Variants in C1orf87 observed in about 807,000 individuals in gnomAD.
C1orf87 encodes uncharacterized protein C1orf87.
A neutral mutation model predicts 60.5 loss-of-function variants in C1orf87; 58 were observed. The ratio of observed to expected loss-of-function variants is 0.96; its 90% CI spans 0.78 to 1.19. The LOEUF is 1.19. Ranked by LOEUF, C1orf87 falls within the 50% of genes most tolerant of loss-of-function variation. C1orf87 has a pLI of 0.00. For missense variants in C1orf87, 673 were observed against 638.6 expected, an observed-to-expected ratio of 1.05 and a Z score of -0.58; for synonymous variants, 236 against 227.4, an observed-to-expected ratio of 1.04 and a Z score of -0.34.
chr1:60,030,641 T>A (rs634094), intron 7 of C1orf87, among the ~76,000 whole-genome samples: 4 of 152,070 alleles, frequency 2.6e-5, no homozygotes, highest in Admixed American at 2.0e-4. Flanking sequence ...TTGAAGAATA[T>A]GGATTGTGTA....
At chr1:60,024,415 T>C (rs962245029) in intron 8 of C1orf87, among the ~76,000 whole-genome samples, 1 of 152,208 alleles carries the variant, frequency 6.6e-6, no homozygotes, top group Non-Finnish European at 1.5e-5. Flanking sequence ...TCTGCCTCAC[T>C]AGCTGGTGGA....
intron 7 of C1orf87, among the ~76,000 whole-genome samples, chr1:60,032,340 A>T (rs1557468023): frequency 6.6e-6 from 1 of 151,130 alleles, no homozygotes; most frequent in African/African-American, 2.4e-5. Context: ...TCTGCCTCTC[A>T]GTTTCCATAA....
Position 60,014,353 on chromosome 1 carries a change from C to A in C1orf87, c.1128-3897G>T, listed in dbSNP as rs918148149. Among the ~76,000 whole-genome samples, 17 of 152,098 alleles carry A rather than the reference C, an allele frequency of 1.1e-4. 1 individual carries two copies. Among genetic ancestry groups the A allele is most frequent in the South Asian group, 2.1e-4 (1 of 4,828 alleles). On this transcript the variant is annotated intron_variant, in intron 8 of 11. Coordinates refer to ENST00000371201, the MANE Select transcript of C1orf87 (RefSeq NM_152377.3). ...TTAGGGCACAGCTTGGGGCAAGCAA[C>A]TAATTGATTTTCCCATATTCCGTTT...
chr1:60,009,066 C>A lies in C1orf87; in HGVS notation c.1192+1326G>T, dbSNP rs1218723068. 2.6e-5 allele frequency among the ~76,000 whole-genome samples: 4 copies of A among 152,000 alleles called. No homozygotes were observed. In the East Asian group the frequency reaches 7.7e-4, roughly 29 times the overall value. ...GTCCTCCTCAAAAATATGTTCAAGT[C>A]CTAATCACTGGTACCTGTGAATCTG... On this transcript the variant is annotated intron_variant, in intron 9 of 11. Coordinates refer to ENST00000371201, the MANE Select transcript of C1orf87 (RefSeq NM_152377.3).
At chr1:59,991,510 CT>C (rs141008305) in intron 11 of C1orf87, among the ~76,000 whole-genome samples, 9,340 of 152,032 alleles carry the variant, frequency 0.061, 344 homozygotes, top group Admixed American at 0.083. Flanking sequence ...AAAATTTGTA[CT>C]TTTTTTTGTT....
In C1orf87 at chr1:60,056,421, C is replaced by CA. The variant is rs956189414; in HGVS notation, c.108-984dup. On this transcript the variant is annotated intron_variant, in intron 2 of 11. Coordinates refer to ENST00000371201, the MANE Select transcript of C1orf87 (RefSeq NM_152377.3). ...AGCATGTGTATTAAGGAGAAAAATG[C>CA]AAAAAAAAAGAAAACTCTAAATATT... Among the ~76,000 whole-genome samples, 69 of 147,308 alleles carry CA rather than the reference C, an allele frequency of 4.7e-4. 1 individual carries two copies. The highest frequency in any genetic ancestry group is 3.4e-3 in the Middle Eastern group (1 of 290).
At chr1:59,992,668 A>C (rs1644932615) in intron 11 of C1orf87, among the ~76,000 whole-genome samples, 1 of 152,160 alleles carries the variant, frequency 6.6e-6, no homozygotes, top group African/African-American at 2.4e-5. Context: ...AGTCCATTAG[A>C]GTTGGGCAAT....
chr1:59,994,438 C>T (rs1644949276), intron 11 of C1orf87, among the ~76,000 whole-genome samples: 1 of 152,104 alleles, frequency 6.6e-6, no homozygotes, highest in Non-Finnish European at 1.5e-5. Flanking sequence ...ATACTAATCC[C>T]TTCAGCATGT....
chr1:59,995,444 C>T (rs558701944), intron 11 of C1orf87, among the ~76,000 whole-genome samples: 1 of 152,234 alleles, frequency 6.6e-6, no homozygotes, highest in Non-Finnish European at 1.5e-5. Flanking sequence ...TCATCCTATC[C>T]CTTAGGGTTC....
At chr1:60,013,736 G>C (rs1328390774) in intron 8 of C1orf87, among the ~76,000 whole-genome samples, 1 of 149,808 alleles carries the variant, frequency 6.7e-6, no homozygotes, top group East Asian at 2.0e-4. Context: ...TTCACATTCA[G>C]TACAACCCAG....
intron 9 of C1orf87, among the ~76,000 whole-genome samples, chr1:60,004,016 C>A (rs1335672606): frequency 6.6e-6 from 1 of 151,996 alleles, no homozygotes; most frequent in East Asian, 1.9e-4. Flanking sequence ...GTCACGAGAA[C>A]CCATCCTCAA....
chr1:60,030,908 G>A (rs1645233617), intron 7 of C1orf87, among the ~76,000 whole-genome samples: 1 of 152,198 alleles, frequency 6.6e-6, no homozygotes, highest in African/African-American at 2.4e-5. Context: ...AGATTCCATT[G>A]ATTTTAGTGA....
intron 9 of C1orf87, among the ~76,000 whole-genome samples, chr1:60,002,303 T>C (rs1422153095): frequency 6.6e-6 from 1 of 152,098 alleles, no homozygotes; most frequent in African/African-American, 2.4e-5. Flanking sequence ...TTACTTGTCC[T>C]CTCTGTGCCT....
At chr1:60,056,027 T>C (rs1368655762) in intron 2 of C1orf87, among the ~76,000 whole-genome samples, 1 of 152,020 alleles carries the variant, frequency 6.6e-6, no homozygotes, top group African/African-American at 2.4e-5. Flanking sequence ...GGGTGGATCA[T>C]GAGGTCAGGA....
chr1:59,992,388 T>C (rs4511154), intron 11 of C1orf87, among the ~76,000 whole-genome samples: 130,983 of 151,898 alleles, frequency 0.86, 56,591 homozygotes, highest in East Asian at 0.96. Context: ...CATGAGTAGC[T>C]GGGATTGCAG....
At chr1:60,064,705 TC>T (rs1244229692) in intron 2 of C1orf87, among the ~76,000 whole-genome samples, 3 of 103,054 alleles carry the variant, frequency 2.9e-5, no homozygotes, top group Non-Finnish European at 5.3e-5. Context: ...ATATATTATT[TC>T]AATATATATA....
intron 6 of C1orf87, among the ~76,000 whole-genome samples, chr1:60,036,983 T>C (rs1443215229): frequency 6.6e-6 from 1 of 152,064 alleles, no homozygotes; most frequent in Admixed American, 6.5e-5. Context: ...CATAATGAGG[T>C]TTTTCATTTT....
chr1:60,023,992 T>A (rs1235707933), intron 8 of C1orf87, among the ~76,000 whole-genome samples: 3 of 152,206 alleles, frequency 2.0e-5, no homozygotes, highest in African/African-American at 7.2e-5. Flanking sequence ...TTTTTAATCT[T>A]CCTTATCTTT....
At chr1:60,018,784 A>G (rs1475056301) in intron 8 of C1orf87, among the ~76,000 whole-genome samples, 2 of 152,202 alleles carry the variant, frequency 1.3e-5, no homozygotes, top group African/African-American at 4.8e-5. Flanking sequence ...ACTAAGCTCA[A>G]TATCATAACC....
Sources: allele counts gnomAD v4.1 joint callset (sites outside exome capture counted in the v4.1 genomes callset), GRCh38; gene constraint gnomAD v4.1.1; transcripts MANE v1.5; gene names NCBI Gene and HGNC (gene_info 2026-07-23, HGNC 2026-07-21).